Variants in SDCCAG8 observed in about 807,000 individuals in gnomAD.
The protein encoded by SDCCAG8 is serologically defined colon cancer antigen 8.
Under a neutral mutation model 101.8 loss-of-function variants are expected in SDCCAG8, and 74 were observed. The observed-to-expected ratio is 0.73, with a 90% CI of 0.60 to 0.88. The LOEUF is 0.88. SDCCAG8 is among the 40% of genes least tolerant of loss of function. The pLI is 0.00. For missense variants in SDCCAG8, 787 were observed against 822.6 expected (o/e 0.96, Z 0.53); for synonymous variants, 281 against 292.9 (o/e 0.96, Z 0.41).
rs1268544829 is a variant in SDCCAG8, at chr1:243,393,235, G to GCCCTC, written c.1616+14372_1616+14373insCCCTC. Among the ~76,000 whole-genome samples, 7 of 152,312 alleles carry GCCCTC rather than the reference G, an allele frequency of 4.6e-5. No individual in the cohort carries two copies. In the East Asian group the frequency reaches 1.4e-3, roughly 29 times the overall value. On this transcript the variant is annotated intron_variant, in intron 13 of 17. Coordinates refer to ENST00000366541, the MANE Select transcript of SDCCAG8 (RefSeq NM_006642.5). ...TGTGTTAGCACTTTGGGGTAAGGAT[G>GCCCTC]GTAGCCGGGTGCCAGGTAGGAGGGC...
rs189994663 is a variant in SDCCAG8, at chr1:243,451,005, A to T, written c.1985+24447A>T. Among the ~76,000 whole-genome samples the T allele has an allele frequency of 3.2e-3, 485 of 152,390 alleles. 4 individuals are homozygous for T. The highest frequency in any genetic ancestry group is 0.011 in the African/African-American group (473 of 41,594). ...ATCACTTGTTGAAAAAGAAGTGTTT[A>T]TTGATATGACAAAATGTTCAAAATA... On this transcript the variant is annotated intron_variant, in intron 16 of 17. Transcript: ENST00000366541.
chr1:243,499,310 A>C (rs901230523), intron 17 of SDCCAG8, among the ~76,000 whole-genome samples: 2 of 152,204 alleles, frequency 1.3e-5, no homozygotes, highest in African/African-American at 4.8e-5. Context: ...GAGGTGTTTC[A>C]GCTTGTATTG....
At chr1:243,293,364 C>G (rs1294218326) in intron 6 of SDCCAG8, 145 bp downstream of exon 6, 1 of 828,584 alleles carries the variant, frequency 1.2e-6, no homozygotes, top group East Asian at 2.7e-5. Flanking sequence ...TAAGTACATT[C>G]ATGTCACTCA....
intron 6 of SDCCAG8, among the ~76,000 whole-genome samples, chr1:243,298,853 A>T (rs1373344923): frequency 6.6e-6 from 1 of 152,180 alleles, no homozygotes; most frequent in Non-Finnish European, 1.5e-5. Flanking sequence ...CTTGATTGTT[A>T]TAGCCTGAAA....
chr1:243,370,434 T>C (rs766006362), intron 12 of SDCCAG8, among the ~76,000 whole-genome samples: 2 of 152,116 alleles, frequency 1.3e-5, no homozygotes, highest in Non-Finnish European at 2.9e-5. Flanking sequence ...ATAAAGTCTT[T>C]ATTAAACCTG....
intron 4 of SDCCAG8, among the ~76,000 whole-genome samples, chr1:243,275,701 A>G (rs2068486105): frequency 6.6e-6 from 1 of 152,110 alleles, no homozygotes; most frequent in South Asian, 2.1e-4. Context: ...GAGAAGACAG[A>G]ACTATTCCCT....
intron 9 of SDCCAG8, among the ~76,000 whole-genome samples, chr1:243,323,091 C>T (rs534007331): frequency 3.3e-5 from 5 of 151,228 alleles, no homozygotes; most frequent in South Asian, 2.1e-4. Flanking sequence ...GCTGAGATCA[C>T]GCCACTGCAC....
intron 13 of SDCCAG8, among the ~76,000 whole-genome samples, chr1:243,405,495 C>T (rs1180508954): frequency 6.6e-6 from 1 of 152,096 alleles, no homozygotes; most frequent in East Asian, 1.9e-4. Flanking sequence ...CTCTATTAAG[C>T]CCTTAAAGAT....
At chr1:243,333,645 C>T (rs2074788385) in intron 10 of SDCCAG8, among the ~76,000 whole-genome samples, 1 of 152,190 alleles carries the variant, frequency 6.6e-6, no homozygotes, top group South Asian at 2.1e-4. Context: ...AGTGAAATTA[C>T]CATTGCTATG....
chr1:243,401,306 G>C (rs116833725), intron 13 of SDCCAG8, among the ~76,000 whole-genome samples: 2,438 of 152,280 alleles, frequency 0.016, 34 homozygotes, highest in Non-Finnish European at 0.022. Context: ...AAAATGTTTG[G>C]GAATAAGCGA....
intron 16 of SDCCAG8, among the ~76,000 whole-genome samples, chr1:243,443,635 A>G (rs2082691974): frequency 6.6e-6 from 1 of 152,208 alleles, no homozygotes; most frequent in Non-Finnish European, 1.5e-5. Flanking sequence ...CAGGAAATCT[A>G]GAACACTGGA....
At chr1:243,318,419 TG>T in intron 9 of SDCCAG8, 1 of 247,986 alleles carries the variant, frequency 4.0e-6, no homozygotes, top group Non-Finnish European at 6.4e-6. Flanking sequence ...GCTTAATACC[TG>T]GGTGATAAAA....
chr1:243,486,488 G>A (rs898274263), intron 16 of SDCCAG8, among the ~76,000 whole-genome samples: 1 of 152,124 alleles, frequency 6.6e-6, no homozygotes, highest in Non-Finnish European at 1.5e-5. Flanking sequence ...CCCAGTAATC[G>A]CTATAGCCTT....
intron 15 of SDCCAG8, among the ~76,000 whole-genome samples, chr1:243,422,957 T>A (rs551340400): frequency 1.3e-5 from 2 of 152,164 alleles, no homozygotes; most frequent in Non-Finnish European, 2.9e-5. Flanking sequence ...CACAGGATAA[T>A]CATGCCAGAA....
intron 9 of SDCCAG8, among the ~76,000 whole-genome samples, chr1:243,325,469 G>C (rs2074082580): frequency 6.6e-6 from 1 of 151,562 alleles, no homozygotes; most frequent in Non-Finnish European, 1.5e-5. Flanking sequence ...TGATGAAATG[G>C]TTACTTGGTT....
chr1:243,439,346 G>A lies in SDCCAG8; in HGVS notation c.1985+12788G>A, dbSNP rs1035374874. Among the ~76,000 whole-genome samples the A allele has an allele frequency of 1.1e-4, 16 of 151,840 alleles. No individual in the cohort carries two copies. The East Asian group carries it at 1.9e-3, about 18-fold the overall frequency. On this transcript the variant is annotated intron_variant, in intron 16 of 17. Transcript: ENST00000366541. ...CCATTTTAAATTTAATCATCTGGCC[G>A]GCCGCAGTGGCTCATGCCTGTAATC...
intron 4 of SDCCAG8, among the ~76,000 whole-genome samples, chr1:243,284,273 G>C (rs532437129): frequency 6.6e-6 from 1 of 152,292 alleles, no homozygotes; most frequent in South Asian, 2.1e-4. Context: ...GGCTGTGTTT[G>C]CTGTCACCGT....
At chr1:243,478,054 C>T (rs2148214954) in intron 16 of SDCCAG8, among the ~76,000 whole-genome samples, 1 of 152,296 alleles carries the variant, frequency 6.6e-6, no homozygotes, top group Non-Finnish European at 1.5e-5. Flanking sequence ...CCTCACTGAG[C>T]TCATTGGGGA....
chr1:243,286,620 C>G (rs1488059863), intron 5 of SDCCAG8, among the ~76,000 whole-genome samples: 1 of 152,228 alleles, frequency 6.6e-6, no homozygotes, highest in East Asian at 1.9e-4. Context: ...CTGAGCATAC[C>G]GTTTCTGCCT....
Sources: allele counts gnomAD v4.1 joint callset (sites outside exome capture counted in the v4.1 genomes callset), GRCh38; gene constraint gnomAD v4.1.1; transcripts MANE v1.5; gene names NCBI Gene and HGNC (gene_info 2026-07-23, HGNC 2026-07-21).